The following SLC26A7 variants were observed in gnomAD, a reference collection of about 807,000 sequenced individuals.
The protein encoded by SLC26A7 is anion exchange transporter.
Under a neutral mutation model 82.5 loss-of-function variants are expected in SLC26A7, and 59 were observed. The ratio of observed to expected loss-of-function variants is 0.72; its 90% confidence interval spans 0.58 to 0.89. The LOEUF (loss-of-function observed/expected upper bound fraction) is 0.89. Ranked by LOEUF, SLC26A7 falls within the 40% of genes least tolerant of loss-of-function variation. The probability of loss-of-function intolerance (pLI) is 0.00; values close to 1 mark genes in which losing one functional copy is unlikely to be tolerated. For synonymous variants in SLC26A7, 271 were observed against 274.3 expected (o/e 0.99, Z 0.12); for missense variants, 820 against 793.0 (o/e 1.03, Z -0.41).
chr8:91,274,604 A>G (rs537547916), intron 2 of SLC26A7, among the ~76,000 whole-genome samples: 2 of 152,376 alleles, frequency 1.3e-5, no homozygotes, highest in South Asian at 4.1e-4. Context: ...TGGAGCCCTC[A>G]TAACTTAATT....
intron 2 of SLC26A7, among the ~76,000 whole-genome samples, chr8:91,266,900 G>A (rs1811127577): frequency 6.6e-6 from 1 of 151,876 alleles, no homozygotes; most frequent in African/African-American, 2.4e-5. Flanking sequence ...TTATTGTGTT[G>A]AGGTATATTC....
chr8:91,384,981 C>T (rs1303820540), intron 15 of SLC26A7, among the ~76,000 whole-genome samples: 1 of 152,038 alleles, frequency 6.6e-6, no homozygotes, highest in African/African-American at 2.4e-5. Context: ...CACAGACTGT[C>T]AAGAATCTTT....
At chr8:91,353,059 A>C in intron 11 of SLC26A7, 63 bp downstream of exon 11, 2 of 1,066,238 alleles carry the variant, frequency 1.9e-6, no homozygotes, top group Admixed American at 2.3e-5. Context: ...CCAAATATGC[A>C]CTAATACTTT....
intron 2 of SLC26A7, among the ~76,000 whole-genome samples, chr8:91,269,821 T>C (rs1811219985): frequency 6.6e-6 from 1 of 152,086 alleles, no homozygotes; most frequent in Non-Finnish European, 1.5e-5. Flanking sequence ...TCATATGTTC[T>C]ATGTTTGAGC....
At chr8:91,294,603 C>T (rs949189723) in intron 3 of SLC26A7, among the ~76,000 whole-genome samples, 1 of 152,110 alleles carries the variant, frequency 6.6e-6, no homozygotes, top group African/African-American at 2.4e-5. Flanking sequence ...GTAATGAGAG[C>T]AAATGTTTGC....
chr8:91,286,257 C>T (rs921585673), intron 2 of SLC26A7, among the ~76,000 whole-genome samples: 17 of 152,132 alleles, frequency 1.1e-4, no homozygotes, highest in African/African-American at 3.9e-4. Context: ...AAGGGCTTCT[C>T]GAAAGGTTGG....
intron 5 of SLC26A7, 48 bp from the exon 6 acceptor site, chr8:91,334,247 A>G (rs1813176639): frequency 6.5e-7 from 1 of 1,549,530 alleles, no homozygotes; most frequent in African/African-American, 1.4e-5. Flanking sequence ...ATGTTGGTAT[A>G]TTATAGGTGA....
At chr8:91,345,394 G>C (rs1693753210) in intron 9 of SLC26A7, among the ~76,000 whole-genome samples, 1 of 152,150 alleles carries the variant, frequency 6.6e-6, no homozygotes, top group Admixed American at 6.5e-5. Context: ...CTAGTGAAGT[G>C]ACTTTGCACA....
chr8:91,241,447 ATTAT>A (rs754093857), intron 2 of SLC26A7, among the ~76,000 whole-genome samples: 53 of 152,278 alleles, frequency 3.5e-4, no homozygotes, highest in Middle Eastern at 3.4e-3. Flanking sequence ...CAGTAATTTG[ATTAT>A]TTAATAATCA....
chr8:91,385,313 C>G (rs903379079), intron 15 of SLC26A7, among the ~76,000 whole-genome samples: 5 of 152,106 alleles, frequency 3.3e-5, no homozygotes, highest in Non-Finnish European at 7.4e-5. Flanking sequence ...TGGTTGATTT[C>G]CTTAGGAGTA....
At chr8:91,292,305 CAAA>C (rs758275709) in intron 3 of SLC26A7, among the ~76,000 whole-genome samples, 5 of 72,992 alleles carry the variant, frequency 6.9e-5, no homozygotes, top group Admixed American at 1.6e-4. Flanking sequence ...GACTCTGTCT[CAAA>C]AAAAAAAAAA....
rs565893960 is a variant in SLC26A7 at position 91,268,542 on chromosome 8, T to G, written c.193+18698T>G. Among the ~76,000 whole-genome samples the G allele has an allele frequency of 3.3e-5, 5 of 151,904 alleles. No homozygotes were observed. In the South Asian group the frequency reaches 6.2e-4, roughly 19 times the overall value. ...GTGTCCCTTTAGAGATGAAGTGGGT[T>G]TTTTGTAGGCAGGATATAGTTGGAC... On this transcript the variant is annotated intron_variant, in intron 2 of 18. Transcript: ENST00000276609.
chr8:91,301,567 G>T (rs1812165706), intron 4 of SLC26A7, among the ~76,000 whole-genome samples: 1 of 151,982 alleles, frequency 6.6e-6, no homozygotes, highest in Middle Eastern at 3.4e-3. Context: ...TTTACCCTTT[G>T]ATATTTTCTA....
intron 3 of SLC26A7, among the ~76,000 whole-genome samples, chr8:91,292,808 C>T (rs1052545689): frequency 7.3e-5 from 11 of 151,558 alleles, no homozygotes; most frequent in Non-Finnish European, 1.0e-4. Flanking sequence ...GGAATAAATA[C>T]ACAACAGTAA....
At chr8:91,283,132 G>A (rs1811619253) in intron 2 of SLC26A7, among the ~76,000 whole-genome samples, 1 of 152,030 alleles carries the variant, frequency 6.6e-6, no homozygotes, top group Admixed American at 6.6e-5. Flanking sequence ...TTAGAAGAAG[G>A]GTATCTGACT....
intron 9 of SLC26A7, chr8:91,344,378 T>A: frequency 5.8e-6 from 1 of 172,854 alleles, no homozygotes; most frequent in Non-Finnish European, 1.2e-5. Flanking sequence ...TATAAAAAAT[T>A]AACATTAACA....
At chr8:91,339,727 C>T (rs989184923) in intron 7 of SLC26A7, among the ~76,000 whole-genome samples, 3 of 151,720 alleles carry the variant, frequency 2.0e-5, no homozygotes, top group African/African-American at 7.3e-5. Context: ...GACACTTTGG[C>T]TCAAGTTGTT....
intron 2 of SLC26A7, among the ~76,000 whole-genome samples, chr8:91,239,900 T>C (rs1158115159): frequency 6.6e-6 from 1 of 152,210 alleles, no homozygotes; most frequent in East Asian, 1.9e-4. Context: ...ATTATTCCTT[T>C]ACGTTTTTAA....
At chr8:91,274,403 T>A (rs1021937166) in intron 2 of SLC26A7, among the ~76,000 whole-genome samples, 23 of 152,212 alleles carry the variant, frequency 1.5e-4, no homozygotes, top group Non-Finnish European at 5.9e-5. Context: ...TGAACAGCTG[T>A]CATCTGGCAA....
Sources: gnomAD v4.1 joint callset for allele counts (sites outside exome capture counted in the v4.1 genomes callset) on GRCh38, gnomAD v4.1.1 for gene constraint, MANE v1.5 for transcripts, NCBI Gene and HGNC (gene_info 2026-07-23, HGNC 2026-07-21) for gene names.